Variants in FAM13A observed in about 807,000 individuals in gnomAD.
FAM13A encodes protein FAM13A.
FAM13A carries 76 observed loss-of-function variants against 129.6 expected under a neutral mutation model. That is an observed-to-expected ratio of 0.59 (90% CI 0.49 to 0.71). The LOEUF (loss-of-function observed/expected upper bound fraction) is 0.71, where lower values mean the gene tolerates loss of function less well. FAM13A is among the 30% of genes least tolerant of loss of function. FAM13A has a pLI of 0.00. For missense variants in FAM13A, 1,108 were observed against 1,249.3 expected, an observed-to-expected ratio of 0.89 and a Z score of 1.70; for synonymous variants, 443 against 449.9, an observed-to-expected ratio of 0.98 and a Z score of 0.20.
intron 6 of FAM13A, among the ~76,000 whole-genome samples, chr4:88,866,679 C>T (rs1214990310): frequency 6.6e-6 from 1 of 152,004 alleles, no homozygotes; most frequent in Non-Finnish European, 1.5e-5. Flanking sequence ...AATACCAATC[C>T]ACATCTATCA....
chr4:89,031,165 G>C (rs1438875426), intron 1 of FAM13A, among the ~76,000 whole-genome samples: 3 of 151,882 alleles, frequency 2.0e-5, no homozygotes, highest in African/African-American at 7.3e-5. Flanking sequence ...TTTTCTTGTA[G>C]GTTTATAAAT....
chr4:88,842,778 T>C (rs1450708503), intron 7 of FAM13A, among the ~76,000 whole-genome samples: 2 of 152,208 alleles, frequency 1.3e-5, no homozygotes, highest in Non-Finnish European at 2.9e-5. Flanking sequence ...TTATCTACCA[T>C]TTCATCAACT....
At chr4:88,783,008 G>A (rs1020042016) in intron 10 of FAM13A, among the ~76,000 whole-genome samples, 6 of 151,822 alleles carry the variant, frequency 4.0e-5, no homozygotes, top group Non-Finnish European at 7.4e-5. Flanking sequence ...TACACGGTAG[G>A]TGTATATACA....
chr4:88,808,449 T>C (rs1263468238), intron 7 of FAM13A, among the ~76,000 whole-genome samples: 1 of 152,164 alleles, frequency 6.6e-6, no homozygotes, highest in Non-Finnish European at 1.5e-5. Flanking sequence ...CATTTACACC[T>C]ATTTCTGTTT....
chr4:88,833,880 C>T (rs551557138), intron 7 of FAM13A, among the ~76,000 whole-genome samples: 7 of 151,256 alleles, frequency 4.6e-5, no homozygotes, highest in Admixed American at 2.0e-4. Context: ...AGTGAGACTC[C>T]GTCTTAAAAA....
intron 1 of FAM13A, among the ~76,000 whole-genome samples, chr4:89,053,840 C>A (rs186239415): frequency 6.6e-6 from 1 of 152,238 alleles, no homozygotes; most frequent in African/African-American, 2.4e-5. Context: ...ATGCAAACTC[C>A]CACTTTCAGC....
chr4:88,819,776 TGA>T (rs1243946862), intron 7 of FAM13A, among the ~76,000 whole-genome samples: 7 of 152,342 alleles, frequency 4.6e-5, no homozygotes, highest in African/African-American at 1.7e-4. Flanking sequence ...TACACTATGT[TGA>T]GTTTCATTAT....
chr4:88,814,292 A>C (rs1730245324), intron 7 of FAM13A, among the ~76,000 whole-genome samples: 1 of 152,192 alleles, frequency 6.6e-6, no homozygotes, highest in Non-Finnish European at 1.5e-5. Context: ...AGATTAGCTG[A>C]GGCTCAGTTA....
At chr4:88,922,926 A>G (rs1371479684) in intron 5 of FAM13A, among the ~76,000 whole-genome samples, 1 of 152,250 alleles carries the variant, frequency 6.6e-6, no homozygotes, top group African/African-American at 2.4e-5. Flanking sequence ...AAACACCTCT[A>G]CGCAAATAAA....
intron 4 of FAM13A, among the ~76,000 whole-genome samples, chr4:88,967,600 G>C (rs954217778): frequency 2.0e-5 from 3 of 152,178 alleles, no homozygotes; most frequent in Non-Finnish European, 2.9e-5. Context: ...GGCTTAAGGA[G>C]AGTAGCCTTA....
At chr4:88,940,778 T>A (rs983190595) in intron 4 of FAM13A, among the ~76,000 whole-genome samples, 3 of 152,206 alleles carry the variant, frequency 2.0e-5, no homozygotes, top group African/African-American at 7.2e-5. Context: ...CTGAAAAGCA[T>A]CATCCCTCAG....
chr4:89,042,013 C>T (rs1034576232), intron 1 of FAM13A, among the ~76,000 whole-genome samples: 6 of 151,828 alleles, frequency 4.0e-5, no homozygotes, highest in Admixed American at 3.3e-4. Flanking sequence ...ATTCTGTTTG[C>T]GCTGGTAGGG....
At chr4:88,781,833 A>G (rs183499224) in intron 10 of FAM13A, among the ~76,000 whole-genome samples, 2 of 149,822 alleles carry the variant, frequency 1.3e-5, no homozygotes, top group African/African-American at 4.9e-5. Flanking sequence ...CAGTCCGGAG[A>G]CTGTTGTGGG....
At chr4:88,798,347 A>G (rs1161630079) in intron 8 of FAM13A, among the ~76,000 whole-genome samples, 1 of 152,188 alleles carries the variant, frequency 6.6e-6, no homozygotes, top group African/African-American at 2.4e-5. Flanking sequence ...CAGGAGAAGA[A>G]TCCCTTTCTT....
At chr4:89,025,146 CCT>C (rs1767756214) in intron 2 of FAM13A, among the ~76,000 whole-genome samples, 1 of 151,542 alleles carries the variant, frequency 6.6e-6, no homozygotes, top group African/African-American at 2.4e-5. Flanking sequence ...ATGCACATAT[CCT>C]CTGACCATCC....
chr4:88,894,592 G>C (rs1030823040), intron 6 of FAM13A, among the ~76,000 whole-genome samples: 3 of 152,114 alleles, frequency 2.0e-5, no homozygotes, highest in African/African-American at 7.2e-5. Flanking sequence ...GGCAATCTTG[G>C]CTCACTGCAA....
At chr4:88,790,751 G>A in intron 8 of FAM13A, 124 bp from the exon 9 acceptor site, 1 of 746,392 alleles carries the variant, frequency 1.3e-6, no homozygotes. Context: ...CCAAAACAAT[G>A]TTTAACCATC....
chr4:88,913,701 G>A (rs909255610), intron 5 of FAM13A, among the ~76,000 whole-genome samples: 1 of 152,234 alleles, frequency 6.6e-6, no homozygotes, highest in East Asian at 1.9e-4. Context: ...GAAGGAAGTC[G>A]GAGTGACTCA....
intron 6 of FAM13A, among the ~76,000 whole-genome samples, chr4:88,870,499 G>C (rs188867564): frequency 2.6e-5 from 4 of 152,350 alleles, no homozygotes; most frequent in Admixed American, 6.5e-5. Flanking sequence ...CCTGGCTTGG[G>C]GGGGGTCCCG....
Sources: allele counts gnomAD v4.1 joint callset (sites outside exome capture counted in the v4.1 genomes callset), GRCh38; gene constraint gnomAD v4.1.1; transcripts MANE v1.5; gene names NCBI Gene and HGNC (gene_info 2026-07-23, HGNC 2026-07-21).